The following OPRM1 variants were observed in gnomAD, a reference collection of about 807,000 sequenced individuals.
The protein encoded by OPRM1 is mu-type opioid receptor.
OPRM1 carries 27 observed loss-of-function variants against 31.8 expected under a neutral mutation model. The observed-to-expected ratio is 0.85, with a 90% CI of 0.63 to 1.17. The LOEUF (loss-of-function observed/expected upper bound fraction) is 1.17, where lower values mean the gene tolerates loss of function less well. Among genes scored for constraint, OPRM1 ranks in the 50% most tolerant of loss-of-function variants. The pLI is 0.00. For synonymous variants in OPRM1, 196 were observed against 189.9 expected, an observed-to-expected ratio of 1.03 and a Z score of -0.26; for missense variants, 536 against 511.1, an observed-to-expected ratio of 1.05 and a Z score of -0.47.
chr6:154,101,251 C>G (rs923798819), intron 3 of OPRM1, among the ~76,000 whole-genome samples: 19 of 152,092 alleles, frequency 1.2e-4, no homozygotes, highest in African/African-American at 4.6e-4. Context: ...GAATATCTCA[C>G]TCTTACTCTT....
chr6:154,010,548 G>A (rs1562365567), exon 1 of OPRM1: 1 of 1,546,522 alleles, frequency 6.5e-7, no homozygotes, highest in Non-Finnish European at 8.8e-7. Context: ...CCAAAGCTGG[G>A]AAGCCCTCCA....
At chr6:154,102,139 C>T (rs1054422933) in intron 3 of OPRM1, among the ~76,000 whole-genome samples, 3 of 152,064 alleles carry the variant, frequency 2.0e-5, no homozygotes, top group African/African-American at 7.2e-5. Flanking sequence ...AGGGTTTTGC[C>T]GTGTTGCGAG....
chr6:154,140,766 A>G (rs115001646), intron 3 of OPRM1, among the ~76,000 whole-genome samples: 1,780 of 152,234 alleles, frequency 0.012, 28 homozygotes, highest in African/African-American at 0.041. Flanking sequence ...TCCCTACCCT[A>G]TTGACGGCCT....
At chr6:154,169,231 C>T (rs1337889776) in intron 3 of OPRM1, among the ~76,000 whole-genome samples, 3 of 152,050 alleles carry the variant, frequency 2.0e-5, no homozygotes, top group Non-Finnish European at 4.4e-5. Flanking sequence ...TGTGGTGGTG[C>T]GTGCCTGTCA....
intron 3 of OPRM1, among the ~76,000 whole-genome samples, chr6:154,140,437 T>G (rs1798171006): frequency 6.6e-6 from 1 of 152,154 alleles, no homozygotes; most frequent in African/African-American, 2.4e-5. Flanking sequence ...TTCAAGCGAT[T>G]CTCCTGCCTC....
intron 3 of OPRM1, among the ~76,000 whole-genome samples, chr6:154,177,261 T>C (rs1421748779): frequency 6.6e-6 from 1 of 152,116 alleles, no homozygotes; most frequent in Non-Finnish European, 1.5e-5. Flanking sequence ...CCAAAAGCAA[T>C]GGCAACAAAA....
chr6:154,187,694 A>C (rs1327763604), intron 3 of OPRM1, among the ~76,000 whole-genome samples: 1 of 152,202 alleles, frequency 6.6e-6, no homozygotes, highest in African/African-American at 2.4e-5. Flanking sequence ...AATTATTCTT[A>C]GGTATTAAGG....
chr6:154,115,579 C>A (rs639855), intron 3 of OPRM1, among the ~76,000 whole-genome samples: 27,483 of 152,074 alleles, frequency 0.18, 2,980 homozygotes, highest in Non-Finnish European at 0.25. Flanking sequence ...AGAGTTGGAC[C>A]CTTCCTTCTC....
At chr6:154,134,097 T>C (rs1181992166), downstream of OPRM1, among the ~76,000 whole-genome samples, 1 of 152,242 alleles carries the variant, frequency 6.6e-6, no homozygotes, top group Non-Finnish European at 1.5e-5. Context: ...ATCAGTGATC[T>C]TTAAGAACAG....
intron 1 of OPRM1, among the ~76,000 whole-genome samples, chr6:154,041,454 TATGTTTCTCATTTTTTCTAA>T (rs1780042657): frequency 6.6e-6 from 1 of 152,144 alleles, no homozygotes; most frequent in East Asian, 1.9e-4. Flanking sequence ...GAAGGGAAAA[TATGTTTCTCATTTTTTCTAA>T]AAGAAATTCA....
At chr6:154,089,713 T>C (rs1791572596) in intron 1 of OPRM1, 113 bp from the exon 2 acceptor site, 1 of 696,198 alleles carries the variant, frequency 1.4e-6, no homozygotes, top group South Asian at 1.9e-5. Flanking sequence ...CAATTCTATA[T>C]CTAATCTCAA....
intron 3 of OPRM1, among the ~76,000 whole-genome samples, chr6:154,162,840 A>G (rs961692402): frequency 1.3e-5 from 2 of 152,154 alleles, no homozygotes; most frequent in African/African-American, 4.8e-5. Flanking sequence ...CAGCAGTTCC[A>G]CATCAACCCC....
intron 1 of OPRM1, chr6:154,074,058 T>C (rs971765495): frequency 6.6e-6 from 1 of 152,300 alleles, no homozygotes; most frequent in East Asian, 1.9e-4. Context: ...ATTTTTTCTA[T>C]GAAATAGGAG....
chr6:154,047,163 C>T (rs970635557), intron 1 of OPRM1, among the ~76,000 whole-genome samples: 2 of 151,538 alleles, frequency 1.3e-5, no homozygotes, highest in East Asian at 3.9e-4. Context: ...GCAACCCCAT[C>T]ATGTTTCATT....
At chr6:154,169,011 C>T (rs558604830) in intron 3 of OPRM1, among the ~76,000 whole-genome samples, 1 of 151,964 alleles carries the variant, frequency 6.6e-6, no homozygotes, top group African/African-American at 2.4e-5. Context: ...CTCATCCCAA[C>T]AACTCCAAAA....
chr6:154,086,687 G>T (rs879889955), intron 1 of OPRM1: 1 of 985,134 alleles, frequency 1.0e-6, no homozygotes, highest in Non-Finnish European at 1.2e-6. Flanking sequence ...TTGGAAGTAT[G>T]ATGAGTCAGA....
chr6:154,205,076 T>G (rs1017649556), intron 3 of OPRM1, among the ~76,000 whole-genome samples: 1 of 152,208 alleles, frequency 6.6e-6, no homozygotes, highest in Non-Finnish European at 1.5e-5. Context: ...GGGTCTTCCA[T>G]GACAGAGCAG....
intron 3 of OPRM1, among the ~76,000 whole-genome samples, chr6:154,199,217 C>T (rs966283368): frequency 1.6e-4 from 24 of 152,152 alleles, no homozygotes; most frequent in African/African-American, 5.1e-4. Context: ...ATTCAGGAGC[C>T]GACAGGCTAA....
rs1482663885 is a variant in OPRM1, at chr6:154,144,469, G to A, written c.1164+52997G>A. ...TAATAAGAATTATACAACACGGGCC[G>A]GGCATGGTGGCTCAAGCCTGTAATC... On this transcript the variant is annotated intron_variant, in intron 3 of 3. Transcript: ENST00000337049. Among the ~76,000 whole-genome samples, 14 of 152,066 alleles carry A rather than the reference G, an allele frequency of 9.2e-5. No homozygotes were observed. The East Asian group carries it at 1.3e-3, about 15-fold the overall frequency.
Sources: allele counts gnomAD v4.1 joint callset (sites outside exome capture counted in the v4.1 genomes callset), GRCh38; gene constraint gnomAD v4.1.1; transcripts MANE v1.5; gene names NCBI Gene and HGNC (gene_info 2026-07-23, HGNC 2026-07-21).